The following HEATR3 variants were observed in gnomAD, a reference collection of about 807,000 sequenced individuals.
The protein encoded by HEATR3 is HEAT repeat containing 3.
In HEATR3, 56 loss-of-function variants were observed where a neutral mutation model predicts 72.8. That is an observed-to-expected ratio of 0.77 (90% CI 0.62 to 0.96). The LOEUF (loss-of-function observed/expected upper bound fraction) is 0.96. Ranked by LOEUF, HEATR3 falls within the 40% of genes least tolerant of loss-of-function variation. The pLI is 0.00. For missense variants in HEATR3, 747 were observed against 831.4 expected, an observed-to-expected ratio of 0.90 and a Z score of 1.25; for synonymous variants, 331 against 318.1, an observed-to-expected ratio of 1.04 and a Z score of -0.43.
intron 5 of HEATR3, among the ~76,000 whole-genome samples, chr16:50,075,227 G>A (rs2036698201): frequency 6.7e-6 from 1 of 148,924 alleles, no homozygotes; most frequent in African/African-American, 2.5e-5. Flanking sequence ...TGAGGCACAG[G>A]AATCGTTTGA....
At chr16:50,080,644 C>A (rs2160571) in intron 7 of HEATR3, among the ~76,000 whole-genome samples, 94,171 of 151,934 alleles carry the variant, frequency 0.62, 30,939 homozygotes, top group South Asian at 0.72. Flanking sequence ...CAGCCTAGAT[C>A]TTTTTATTTT....
rs1044095416 is a variant in HEATR3, at chr16:50,100,481, T to C, written c.1743+108T>C. 16 of 1,104,590 alleles carry C rather than the reference T, an allele frequency of 1.4e-5. No homozygotes were observed. In the African/African-American group the frequency reaches 2.4e-4, roughly 16 times the overall value. 68.4% of individuals were successfully genotyped at this position (1,104,590 alleles called of 1,614,324 possible). On this transcript the variant is annotated intron_variant, in intron 13 of 14. Coordinates refer to ENST00000299192, the MANE Select transcript of HEATR3 (RefSeq NM_182922.4). Reference sequence around the variant, plus strand: ...GTGTGGACTTGAAGAGAAGAAGTCATATCAAGTTGCTTTATTGAGTCATAT... The same window carrying C: ...GTGTGGACTTGAAGAGAAGAAGTCACATCAAGTTGCTTTATTGAGTCATAT...
At position 50,079,048 on chromosome 16, in the gene HEATR3, A is replaced by G. The variant is rs558002263; in HGVS notation, c.1041+30A>G. The G allele has an allele frequency of 6.4e-4, 949 of 1,494,060 alleles. 15 individuals are homozygous for G. In the South Asian group the frequency reaches 0.011, roughly 17 times the overall value. 92.6% of individuals were successfully genotyped at this position (1,494,060 alleles called of 1,614,324 possible). On this transcript the variant is annotated intron_variant, in intron 7 of 14. Coordinates refer to ENST00000299192, the MANE Select transcript of HEATR3 (RefSeq NM_182922.4). The stretch of plus-strand genomic sequence containing the variant: ...GTCAGGTTGCTGTTCTCAAATATGG[A>G]TTAATACAGCTGTTTTTTTTTTCCA...
intron 11 of HEATR3, 137 bp from the exon 12 acceptor site, chr16:50,094,568 G>A (rs1044166407): frequency 5.9e-6 from 3 of 509,562 alleles, no homozygotes; most frequent in African/African-American, 4.1e-5. Context: ...CTTAAATATC[G>A]AGGGTTTTTT....
Position 50,102,191 on chromosome 16 carries a change from A to G in HEATR3, c.1744-68A>G, listed in dbSNP as rs570760761. The G allele has an allele frequency of 1.8e-5, 24 of 1,331,724 alleles. No homozygotes were observed. In the East Asian group the frequency reaches 3.2e-4, roughly 18 times the overall value. The allele number at this position is 1,331,724 out of a possible 1,614,324, so 82.5% of individuals were successfully genotyped here. On this transcript the variant is annotated intron_variant, in intron 13 of 14. Coordinates refer to ENST00000299192, the MANE Select transcript of HEATR3 (RefSeq NM_182922.4). ...AAAATAGTATGCATGAGTTATTGCC[A>G]CATTCAAAGTTGGTACTTGTTTTGG...
At chr16:50,070,760 T>G (rs2036593834) in intron 4 of HEATR3, among the ~76,000 whole-genome samples, 1 of 152,110 alleles carries the variant, frequency 6.6e-6, no homozygotes, top group Admixed American at 6.5e-5. Context: ...CAACCCTCCT[T>G]CCCAGTCCGT....
intron 6 of HEATR3, among the ~76,000 whole-genome samples, chr16:50,077,930 G>A (rs1472674696): frequency 7.0e-6 from 1 of 143,648 alleles, no homozygotes; most frequent in Non-Finnish European, 1.5e-5. Flanking sequence ...AGGCTGGAGT[G>A]CAGTGGCAAG....
chr16:50,096,659 C>A (rs2037245776), intron 12 of HEATR3, among the ~76,000 whole-genome samples: 1 of 152,080 alleles, frequency 6.6e-6, no homozygotes, highest in South Asian at 2.1e-4. Flanking sequence ...ATCAGCCGGG[C>A]ATGGTGGCAG....
intron 6 of HEATR3, among the ~76,000 whole-genome samples, chr16:50,076,470 G>A (rs2036730304): frequency 6.6e-6 from 1 of 152,120 alleles, no homozygotes; most frequent in Non-Finnish European, 1.5e-5. Context: ...TTACAGGTAT[G>A]AGCCACTGCG....
chr16:50,075,770 T>C (rs1486922222), intron 6 of HEATR3, 59 bp downstream of exon 6: 4 of 1,485,314 alleles, frequency 2.7e-6, no homozygotes, highest in Non-Finnish European at 3.7e-6. Flanking sequence ...ATGGATGTGG[T>C]GGGGGCAAAA....
At chr16:50,084,057 C>T (rs768089188) in intron 8 of HEATR3, 30 bp downstream of exon 8, 1 of 1,613,266 alleles carries the variant, frequency 6.2e-7, no homozygotes, top group Non-Finnish European at 8.5e-7. Context: ...TAGACATTTT[C>T]CCCCTGAGCC....
At chr16:50,100,132 G>A (rs1035604789) in intron 12 of HEATR3, 98 bp from the exon 13 acceptor site, 4 of 1,153,090 alleles carry the variant, frequency 3.5e-6, no homozygotes, top group African/African-American at 1.6e-5. Context: ...TTAAAATCCT[G>A]TAGCCTATAG....
At chr16:50,074,254 C>T (rs1444214747) in intron 5 of HEATR3, 2 of 152,046 alleles carry the variant, frequency 1.3e-5, no homozygotes, top group Non-Finnish European at 2.9e-5. Flanking sequence ...CTTTGAAGGT[C>T]ATGATAAATT....
At position 50,105,040 on chromosome 16, in the gene HEATR3, TGAGAA is replaced by T; in HGVS notation, c.2023_2027del (p.Glu675LysfsTer29). The T allele has an allele frequency of 2.5e-6, 4 of 1,612,184 alleles. No individual in the cohort carries two copies. The highest frequency in any genetic ancestry group is 3.4e-6 in the Non-Finnish European group (4 of 1,179,570). On this transcript the variant is annotated frameshift_variant, in exon 15 of 15. Coordinates refer to ENST00000299192, the MANE Select transcript of HEATR3 (RefSeq NM_182922.4). LOFTEE classifies it high-confidence loss of function. The stretch of plus-strand genomic sequence containing the variant: ...GATTTATTGCTTATCAAGAAACTGT[TGAGAA>T]AAGACTGACTTCTTAAACAATCCAA...
chr16:50,096,356 A>G (rs1047073232), intron 12 of HEATR3, among the ~76,000 whole-genome samples: 8 of 7,156 alleles, frequency 1.1e-3, no homozygotes, highest in African/African-American at 2.9e-3. Context: ...CAGAAAAAGA[A>G]AAAAACGTCT....
At chr16:50,084,540 C>T (rs1206541383) in intron 9 of HEATR3, 29 bp from the exon 10 acceptor site, 2 of 1,499,330 alleles carry the variant, frequency 1.3e-6, no homozygotes, top group African/African-American at 2.8e-5. Flanking sequence ...ACTCTTTAAC[C>T]TTTGCTTTAC....
intron 2 of HEATR3, among the ~76,000 whole-genome samples, 195 bp from the exon 3 acceptor site, chr16:50,068,585 C>T (rs2036547503): frequency 6.6e-6 from 1 of 152,152 alleles, no homozygotes; most frequent in African/African-American, 2.4e-5. Context: ...ATGACAGCGT[C>T]GTCTGTTTAT....
At chr16:50,097,117 A>T (rs1015737396) in intron 12 of HEATR3, among the ~76,000 whole-genome samples, 4 of 152,000 alleles carry the variant, frequency 2.6e-5, no homozygotes, top group Non-Finnish European at 5.9e-5. Flanking sequence ...ACAGGTCCAG[A>T]TTTTTTGGCA....
intron 11 of HEATR3, among the ~76,000 whole-genome samples, chr16:50,090,136 C>T (rs1328197519): frequency 1.3e-5 from 2 of 152,088 alleles, no homozygotes; most frequent in Non-Finnish European, 2.9e-5. Flanking sequence ...GGGAGGATCA[C>T]ATGAGCCCAA....
Sources: allele counts gnomAD v4.1 joint callset (sites outside exome capture counted in the v4.1 genomes callset), GRCh38; gene constraint gnomAD v4.1.1; transcripts MANE v1.5; gene names NCBI Gene and HGNC (gene_info 2026-07-23, HGNC 2026-07-21).